Variants in EXT1 observed in about 807,000 individuals in gnomAD.
The protein encoded by EXT1 is exostosin glycosyltransferase 1.
A neutral mutation model predicts 82.5 loss-of-function variants in EXT1; 20 were observed. The ratio of observed to expected loss-of-function variants is 0.24; its 90% CI spans 0.17 to 0.35. The LOEUF (loss-of-function observed/expected upper bound fraction) is 0.35, where lower values mean the gene tolerates loss of function less well. Ranked by LOEUF, EXT1 falls within the 10% of genes least tolerant of loss-of-function variation. The pLI, the probability that EXT1 is intolerant of heterozygous loss-of-function variation, is 1.00. For missense variants in EXT1, 757 were observed against 936.5 expected, an observed-to-expected ratio of 0.81 and a Z score of 2.50; for synonymous variants, 348 against 350.8, an observed-to-expected ratio of 0.99 and a Z score of 0.09.
chr8:117,997,902 C>T (rs1194946348), intron 1 of EXT1, among the ~76,000 whole-genome samples: 1 of 152,186 alleles, frequency 6.6e-6, no homozygotes, highest in Non-Finnish European at 1.5e-5. Flanking sequence ...GCCTTTCCTT[C>T]CCTGTAACAT....
intron 1 of EXT1, among the ~76,000 whole-genome samples, chr8:118,058,854 C>T (rs1041456365): frequency 6.6e-5 from 10 of 152,056 alleles, no homozygotes; most frequent in South Asian, 2.1e-4. Context: ...GACAGGCAGG[C>T]AGACAAAAAA....
chr8:117,897,424 CTG>C (rs2129958412), intron 1 of EXT1, among the ~76,000 whole-genome samples: 1 of 152,218 alleles, frequency 6.6e-6, no homozygotes, highest in East Asian at 1.9e-4. Flanking sequence ...GTGCTGGAAT[CTG>C]TGCTAGGCAC....
intron 1 of EXT1, among the ~76,000 whole-genome samples, chr8:117,911,402 C>A (rs1813644400): frequency 2.0e-5 from 3 of 152,152 alleles, no homozygotes. Flanking sequence ...AGAGATGAAA[C>A]TCCCTCATTC....
chr8:118,069,462 C>T (rs1027924022), intron 1 of EXT1, among the ~76,000 whole-genome samples: 7 of 152,160 alleles, frequency 4.6e-5, no homozygotes, highest in African/African-American at 1.4e-4. Context: ...CCCCCTCCCA[C>T]TTACAAATCA....
chr8:118,084,056 C>T (rs563015894), intron 1 of EXT1, among the ~76,000 whole-genome samples: 2 of 152,232 alleles, frequency 1.3e-5, no homozygotes, highest in South Asian at 4.1e-4. Context: ...CTAGTAATCC[C>T]ACTGGAGTGG....
chr8:117,934,725 T>C (rs1334629491), intron 1 of EXT1, among the ~76,000 whole-genome samples: 1 of 152,234 alleles, frequency 6.6e-6, no homozygotes. Context: ...CTCAGGCTCC[T>C]TTCACAATGC....
At chr8:118,097,172 G>A (rs954702669) in intron 1 of EXT1, among the ~76,000 whole-genome samples, 6 of 152,204 alleles carry the variant, frequency 3.9e-5, no homozygotes, top group African/African-American at 1.2e-4. Context: ...CCGGCTGGGT[G>A]CAGCGGCTCA....
At chr8:117,903,330 G>C (rs149095649) in intron 1 of EXT1, among the ~76,000 whole-genome samples, 1 of 152,308 alleles carries the variant, frequency 6.6e-6, no homozygotes, top group East Asian at 1.9e-4. Flanking sequence ...TGCCAGTTTA[G>C]CTCCATGGAT....
intron 1 of EXT1, among the ~76,000 whole-genome samples, chr8:118,071,853 C>G (rs1373052097): frequency 2.0e-5 from 3 of 152,006 alleles, no homozygotes; most frequent in African/African-American, 4.8e-5. Flanking sequence ...TCTTTGAGCT[C>G]CTATTGCATA....
intron 1 of EXT1, among the ~76,000 whole-genome samples, chr8:117,908,851 C>T (rs1329040164): frequency 3.3e-5 from 5 of 151,758 alleles, no homozygotes; most frequent in African/African-American, 4.8e-5. Context: ...CGGCTGGGTG[C>T]GGTGGTTCAC....
At chr8:117,895,785 G>A (rs1199120062) in intron 1 of EXT1, among the ~76,000 whole-genome samples, 9 of 152,122 alleles carry the variant, frequency 5.9e-5, no homozygotes, top group Non-Finnish European at 1.3e-4. Context: ...GTTTCATGCT[G>A]GAAACACTAA....
chr8:117,802,807 G>T (rs1019739422), intron 10 of EXT1, among the ~76,000 whole-genome samples: 4 of 152,218 alleles, frequency 2.6e-5, no homozygotes, highest in African/African-American at 4.8e-5. Flanking sequence ...GAAGGAAACA[G>T]AATTTTCTGC....
chr8:117,969,557 A>G (rs544809543), intron 1 of EXT1, among the ~76,000 whole-genome samples: 1 of 152,344 alleles, frequency 6.6e-6, no homozygotes, highest in South Asian at 2.1e-4. Flanking sequence ...GAGCTGTTTC[A>G]ATGTATAATT....
chr8:117,834,402 C>T (rs916663857), intron 3 of EXT1, among the ~76,000 whole-genome samples: 7 of 152,000 alleles, frequency 4.6e-5, no homozygotes, highest in African/African-American at 9.7e-5. Context: ...GTTAGAAGTT[C>T]GAGAACAGCA....
intron 4 of EXT1, among the ~76,000 whole-genome samples, chr8:117,828,961 G>C (rs149098032): frequency 6.6e-6 from 1 of 152,124 alleles, no homozygotes; most frequent in Non-Finnish European, 1.5e-5. Context: ...AGAAAACAGC[G>C]ATGTGGACCA....
At chr8:117,922,883 ACTGGAC>A (rs1288438984) in intron 1 of EXT1, among the ~76,000 whole-genome samples, 1 of 152,192 alleles carries the variant, frequency 6.6e-6, no homozygotes, top group African/African-American at 2.4e-5. Context: ...AAGAGCCCAC[ACTGGAC>A]TAATCATGGG....
intron 1 of EXT1, among the ~76,000 whole-genome samples, chr8:117,930,150 A>G (rs1469835865): frequency 6.6e-6 from 1 of 152,062 alleles, no homozygotes; most frequent in African/African-American, 2.4e-5. Flanking sequence ...AGTTTGCCAA[A>G]TGGGTGATCT....
intron 1 of EXT1, among the ~76,000 whole-genome samples, chr8:117,908,963 CT>C: frequency 6.6e-6 from 1 of 152,016 alleles, no homozygotes. Flanking sequence ...GAAACCTCAT[CT>C]CTACTAAAAA....
At chr8:117,809,218 A>AACATATATATATATATAT (rs71569748) in intron 8 of EXT1, among the ~76,000 whole-genome samples, 38 of 107,938 alleles carry the variant, frequency 3.5e-4, no homozygotes, top group African/African-American at 1.1e-3. Flanking sequence ...TGTGTGTATA[A>AACATATATATATATATAT]ATATATATAT....
Sources: allele counts gnomAD v4.1 joint callset (sites outside exome capture counted in the v4.1 genomes callset), GRCh38; gene constraint gnomAD v4.1.1; transcripts MANE v1.5; gene names NCBI Gene and HGNC (gene_info 2026-07-23, HGNC 2026-07-21).